PRKN: variants seen among roughly 807,000 people sequenced by gnomAD.
PRKN encodes parkin RBR E3 ubiquitin protein ligase.
A neutral mutation model predicts 59.5 loss-of-function variants in PRKN; 56 were observed. The observed-to-expected ratio is 0.94, with a 90% CI of 0.76 to 1.18. The LOEUF is 1.18. PRKN is among the 50% of genes most tolerant of loss of function. PRKN has a pLI of 0.00. For synonymous variants in PRKN, 250 were observed against 222.1 expected, an observed-to-expected ratio of 1.13 and a Z score of -1.12; for missense variants, 657 against 596.4, an observed-to-expected ratio of 1.10 and a Z score of -1.06.
chr6:162,434,313 C>T (rs1329170201), intron 2 of PRKN, among the ~76,000 whole-genome samples: 1 of 152,146 alleles, frequency 6.6e-6, no homozygotes, highest in Non-Finnish European at 1.5e-5. Context: ...ACTTGATGTT[C>T]TGCCTCCATT....
At chr6:161,661,502 G>A (rs1239922340) in intron 7 of PRKN, among the ~76,000 whole-genome samples, 1 of 150,444 alleles carries the variant, frequency 6.6e-6, no homozygotes, top group African/African-American at 2.4e-5. Flanking sequence ...CTCCTAGACC[G>A]CAGGAACTCC....
chr6:161,680,615 C>T (rs966025455), intron 7 of PRKN, among the ~76,000 whole-genome samples: 8 of 150,936 alleles, frequency 5.3e-5, no homozygotes, highest in Non-Finnish European at 8.8e-5. Flanking sequence ...AAAGGAGAGC[C>T]ACCTTTTGAG....
chr6:161,438,635 C>A (rs1789043675), intron 9 of PRKN, among the ~76,000 whole-genome samples: 1 of 152,050 alleles, frequency 6.6e-6, no homozygotes, highest in Non-Finnish European at 1.5e-5. Flanking sequence ...AATAGGAAAT[C>A]TAAATCTTTC....
At position 162,443,322 on chromosome 6, in the gene PRKN, G is replaced by A; in HGVS notation, c.159C>T (p.Asp53=). The A allele has an allele frequency of 6.2e-7, 1 of 1,612,460 alleles. No homozygotes were observed. The highest frequency in any genetic ancestry group is 8.5e-7 in the Non-Finnish European group (1 of 1,180,024). Residue 53 remains aspartate (D), a synonymous_variant, in exon 2 of 12, where the codon GAC becomes GAT. Coordinates refer to ENST00000366898, the MANE Select transcript of PRKN (RefSeq NM_004562.3). The part of the protein sequence containing the change: ...VIFAGKELRN[D]WTVQNCDLDQ... The stretch of plus-strand genomic sequence containing the variant: ...AAGGGAGACTCACCTGCACAGTCCA[G>A]TCATTCCTCAGCTCCTTCCCTGCGA...
At chr6:162,311,816 T>G (rs1782531366) in intron 2 of PRKN, among the ~76,000 whole-genome samples, 1 of 152,008 alleles carries the variant, frequency 6.6e-6, no homozygotes, top group Non-Finnish European at 1.5e-5. Flanking sequence ...CTCTCTCCAT[T>G]TATTTTCTAT....
intron 6 of PRKN, among the ~76,000 whole-genome samples, chr6:161,818,591 C>A (rs1330544593): frequency 6.6e-6 from 1 of 152,082 alleles, no homozygotes; most frequent in Admixed American, 6.5e-5. Flanking sequence ...GCGTTGGACT[C>A]CCTAGTGCTG....
chr6:162,184,658 T>C (rs1783947763), intron 4 of PRKN, among the ~76,000 whole-genome samples: 1 of 152,150 alleles, frequency 6.6e-6, no homozygotes, highest in Non-Finnish European at 1.5e-5. Context: ...CTGTTTTCTT[T>C]ATTATGACCC....
intron 6 of PRKN, among the ~76,000 whole-genome samples, chr6:161,943,423 G>A (rs998532425): frequency 1.2e-4 from 19 of 152,156 alleles, no homozygotes; most frequent in African/African-American, 3.6e-4. Flanking sequence ...ATAAATGCAC[G>A]AGTAAGTATC....
At chr6:161,847,368 G>C (rs1403198710) in intron 6 of PRKN, among the ~76,000 whole-genome samples, 1 of 152,052 alleles carries the variant, frequency 6.6e-6, no homozygotes, top group African/African-American at 2.4e-5. Context: ...GCACAGAAAT[G>C]CAAAAAACTA....
intron 6 of PRKN, among the ~76,000 whole-genome samples, chr6:161,823,197 A>G (rs1792106050): frequency 6.6e-6 from 1 of 151,268 alleles, no homozygotes; most frequent in African/African-American, 2.4e-5. Flanking sequence ...TTGTTCCCCC[A>G]AAGTATTGGG....
chr6:161,834,602 G>A (rs1423971377), intron 6 of PRKN, among the ~76,000 whole-genome samples: 3 of 152,190 alleles, frequency 2.0e-5, no homozygotes, highest in Non-Finnish European at 4.4e-5. Flanking sequence ...GGAACAAGCC[G>A]GCTGGAAGCT....
chr6:162,666,646 C>T (rs987808536), intron 1 of PRKN, among the ~76,000 whole-genome samples: 1 of 151,956 alleles, frequency 6.6e-6, no homozygotes, highest in Non-Finnish European at 1.5e-5. Flanking sequence ...CATTTTCCCA[C>T]AAAAAATGTT....
chr6:162,210,107 A>AAAAAT (rs142809214), intron 3 of PRKN, among the ~76,000 whole-genome samples: 227 of 144,244 alleles, frequency 1.6e-3, no homozygotes, highest in African/African-American at 3.0e-3. Flanking sequence ...TATAATAATA[A>AAAAAT]AAAATAAAAT....
intron 6 of PRKN, among the ~76,000 whole-genome samples, chr6:161,850,548 C>A (rs1049234090): frequency 6.0e-5 from 8 of 132,390 alleles, no homozygotes; most frequent in African/African-American, 1.5e-4. Context: ...TGCACTCCAG[C>A]CTGGTGACAG....
At chr6:162,304,528 T>TATC (rs1554297804) in intron 2 of PRKN, among the ~76,000 whole-genome samples, 1,997 of 141,574 alleles carry the variant, frequency 0.014, 99 homozygotes, top group African/African-American at 0.039. Context: ...TCTATCTATC[T>TATC]ATCTATCTAT....
At chr6:162,168,950 C>T (rs73592369) in intron 4 of PRKN, among the ~76,000 whole-genome samples, 1,948 of 152,224 alleles carry the variant, frequency 0.013, 34 homozygotes, top group African/African-American at 0.037. Flanking sequence ...TGTTCTGATA[C>T]GTATTTCTGT....
chr6:162,101,444 G>A (rs369129710), intron 4 of PRKN, among the ~76,000 whole-genome samples: 2 of 151,892 alleles, frequency 1.3e-5, no homozygotes, highest in African/African-American at 2.4e-5. Context: ...CGAGTCGGGC[G>A]GAACACGAGG....
Position 162,075,654 on chromosome 6 carries a change from A to T in PRKN, c.535-21480T>A, listed in dbSNP as rs190716507. ...CTTGACCACTCCAACAACGTTTTGG[A>T]GTGGTGGAGGTGAGAAAGGCATGTA... On this transcript the variant is annotated intron_variant, in intron 4 of 11. Coordinates refer to ENST00000366898, the MANE Select transcript of PRKN (RefSeq NM_004562.3). Among the ~76,000 whole-genome samples, 259 of 151,976 alleles carry T rather than the reference A, an allele frequency of 1.7e-3. 4 individuals are homozygous for T. The highest frequency in any genetic ancestry group is 6.0e-3 in the African/African-American group (250 of 41,358).
At chr6:161,894,774 G>T (rs1490016563) in intron 6 of PRKN, among the ~76,000 whole-genome samples, 6 of 152,132 alleles carry the variant, frequency 3.9e-5, no homozygotes, top group Non-Finnish European at 8.8e-5. Context: ...TTGATATCTG[G>T]CTTGCCATAT....
Sources: gnomAD v4.1 joint callset for allele counts (sites outside exome capture counted in the v4.1 genomes callset) on GRCh38, gnomAD v4.1.1 for gene constraint, MANE v1.5 for transcripts, NCBI Gene and HGNC (gene_info 2026-07-23, HGNC 2026-07-21) for gene names.